Variants in ILRUN observed in about 807,000 individuals in gnomAD.
ILRUN encodes the protein inflammation and lipid regulator with UBA-like and NBR1-like domains.
ILRUN carries 3 observed loss-of-function variants against 33.8 expected under a neutral mutation model. The ratio of observed to expected loss-of-function variants is 0.09; its 90% confidence interval spans 0.04 to 0.23. ILRUN has a LOEUF of 0.23. Among genes scored for constraint, ILRUN ranks in the 10% least tolerant of loss-of-function variants. The probability of loss-of-function intolerance (pLI) is 1.00; values close to 1 mark genes in which losing one functional copy is unlikely to be tolerated. For missense variants in ILRUN, 210 were observed against 375.1 expected (o/e 0.56, Z 3.64); for synonymous variants, 124 against 138.9 (o/e 0.89, Z 0.75).
intron 3 of ILRUN, among the ~76,000 whole-genome samples, chr6:34,617,962 C>A (rs1465230366): frequency 3.9e-5 from 6 of 152,138 alleles, no homozygotes; most frequent in African/African-American, 1.2e-4. Flanking sequence ...AGAAACTATT[C>A]CTATTTCACA....
At chr6:34,597,090 C>T (rs538036867) in intron 4 of ILRUN, among the ~76,000 whole-genome samples, 86 of 152,274 alleles carry the variant, frequency 5.6e-4, no homozygotes, top group Non-Finnish European at 1.2e-3. Context: ...ACAGCCTTCA[C>T]TCACCCCCTA....
intron 2 of ILRUN, among the ~76,000 whole-genome samples, chr6:34,650,493 C>T (rs530614715): frequency 2.0e-5 from 3 of 151,668 alleles, no homozygotes; most frequent in African/African-American, 4.8e-5. Context: ...TGCAGTGGCG[C>T]GGTCTCAGCT....
chr6:34,621,817 C>A (rs933327225), intron 3 of ILRUN, among the ~76,000 whole-genome samples: 5 of 151,600 alleles, frequency 3.3e-5, no homozygotes, highest in African/African-American at 7.3e-5. Flanking sequence ...GAGCCAAGAT[C>A]GTGCCACTGC....
At chr6:34,677,988 T>C (rs1763273314) in intron 1 of ILRUN, among the ~76,000 whole-genome samples, 1 of 150,582 alleles carries the variant, frequency 6.6e-6, no homozygotes, top group Non-Finnish European at 1.5e-5. Flanking sequence ...ATTACAGGTG[T>C]GCACCACTGT....
intron 3 of ILRUN, among the ~76,000 whole-genome samples, chr6:34,629,033 T>C (rs955526503): frequency 1.3e-5 from 2 of 152,140 alleles, no homozygotes; most frequent in Non-Finnish European, 2.9e-5. Context: ...CATTTGTGCC[T>C]GGGAGACAGA....
rs1562032974 is a variant in ILRUN at position 34,683,453 on chromosome 6, CATATATATACATATATATACACAT to C, written c.158+12969_158+12992del. On this transcript the variant is annotated intron_variant, in intron 1 of 4. Coordinates refer to ENST00000374023, the MANE Select transcript of ILRUN (RefSeq NM_024294.4). ...ACATATATATATACATATATATATA[CATATATATACATATATATACACAT>C]ATATATATACATATATATATACATA... 1.0e-3 allele frequency among the ~76,000 whole-genome samples: 97 copies of C among 96,570 alleles called. 3 individuals carry two copies. The highest frequency in any genetic ancestry group is 1.4e-3 in the South Asian group (5 of 3,530). The allele number at this position is 96,570 out of a possible 152,430, so 63.4% of individuals were successfully genotyped here. A position where few individuals can be genotyped will look rare whatever the true frequency, so the allele number is the denominator to read the frequency against.
At chr6:34,647,206 T>C in intron 2 of ILRUN, among the ~76,000 whole-genome samples, 1 of 152,198 alleles carries the variant, frequency 6.6e-6, no homozygotes, top group East Asian at 1.9e-4. Context: ...TCACAGTATA[T>C]CTGATTGTTG....
intron 3 of ILRUN, chr6:34,616,819 C>T (rs938221173): frequency 1.3e-5 from 9 of 700,238 alleles, no homozygotes; most frequent in Non-Finnish European, 2.1e-5. Flanking sequence ...ATGGTGTGAA[C>T]CCAAAGGTCT....
chr6:34,657,756 G>T (rs1469163113), intron 1 of ILRUN, among the ~76,000 whole-genome samples: 1 of 152,212 alleles, frequency 6.6e-6, no homozygotes, highest in Non-Finnish European at 1.5e-5. Flanking sequence ...GCAACAGCAG[G>T]CATAGACCAA....
At chr6:34,619,353 C>T (rs1161145936) in intron 3 of ILRUN, among the ~76,000 whole-genome samples, 1 of 151,400 alleles carries the variant, frequency 6.6e-6, no homozygotes, top group Non-Finnish European at 1.5e-5. Flanking sequence ...TGAAGATTTC[C>T]ATTAACTTGT....
chr6:34,604,370 A>T (rs1761580568), intron 4 of ILRUN, among the ~76,000 whole-genome samples: 1 of 152,174 alleles, frequency 6.6e-6, no homozygotes, highest in African/African-American at 2.4e-5. Context: ...CCTAAAGGAG[A>T]GGAAAACAAT....
intron 4 of ILRUN, among the ~76,000 whole-genome samples, chr6:34,595,383 A>C (rs1308231137): frequency 6.6e-6 from 1 of 152,250 alleles, no homozygotes; most frequent in Non-Finnish European, 1.5e-5. Context: ...AAAAACAGGC[A>C]ATCATTCCAT....
chr6:34,662,937 G>T (rs975627748), intron 1 of ILRUN, among the ~76,000 whole-genome samples: 1 of 152,082 alleles, frequency 6.6e-6, no homozygotes, highest in Admixed American at 6.5e-5. Flanking sequence ...TTAAAAATTA[G>T]CCAGGCTGGG....
intron 1 of ILRUN, among the ~76,000 whole-genome samples, chr6:34,688,293 A>G (rs1186553297): frequency 6.6e-6 from 1 of 151,848 alleles, no homozygotes; most frequent in African/African-American, 2.4e-5. Flanking sequence ...TATCCCAGCT[A>G]CTTGGGAGAC....
At chr6:34,631,502 A>G (rs1257591143) in intron 3 of ILRUN, among the ~76,000 whole-genome samples, 1 of 151,948 alleles carries the variant, frequency 6.6e-6, no homozygotes, top group Non-Finnish European at 1.5e-5. Flanking sequence ...TAATTTTTGT[A>G]TTTTTTGATA....
Position 34,590,529 on chromosome 6 carries a change from T to C in ILRUN, c.*36A>G. 6.2e-7 allele frequency: 1 copy of C among 1,613,750 alleles called. No individual in the cohort carries two copies. The highest frequency in any genetic ancestry group is 1.3e-5 in the African/African-American group (1 of 75,046). On this transcript the variant is annotated 3_prime_UTR_variant, in exon 5 of 5. Coordinates refer to ENST00000374023, the MANE Select transcript of ILRUN (RefSeq NM_024294.4). ...CCTAACCCCCCAAAGTCAGGCCTTC[T>C]GTCTTTTGTTAATTTTTCTTCTTGC...
At chr6:34,611,009 G>C (rs1288051497) in intron 3 of ILRUN, among the ~76,000 whole-genome samples, 2 of 151,806 alleles carry the variant, frequency 1.3e-5, no homozygotes, top group East Asian at 1.9e-4. Flanking sequence ...CCAGGAGTTT[G>C]AGACCATTCT....
intron 3 of ILRUN, among the ~76,000 whole-genome samples, chr6:34,632,553 ATTT>A (rs1219435236): frequency 7.3e-6 from 1 of 136,700 alleles, no homozygotes; most frequent in African/African-American, 2.8e-5. Flanking sequence ...AGAGCAAATA[ATTT>A]TTTTTTTTTT....
chr6:34,633,593 G>C (rs895289867), intron 3 of ILRUN, among the ~76,000 whole-genome samples: 2 of 151,996 alleles, frequency 1.3e-5, no homozygotes, highest in Non-Finnish European at 2.9e-5. Context: ...GCTCAAGTCT[G>C]TAATCCCAGC....
Sources: gnomAD v4.1 joint callset for allele counts (sites outside exome capture counted in the v4.1 genomes callset) on GRCh38, gnomAD v4.1.1 for gene constraint, MANE v1.5 for transcripts, NCBI Gene and HGNC (gene_info 2026-07-23, HGNC 2026-07-21) for gene names.